Variants in MYO10 observed in about 807,000 individuals in gnomAD.
The protein encoded by MYO10 is myosin X.
MYO10 carries 133 observed loss-of-function variants against 257.3 expected under a neutral mutation model. The observed-to-expected ratio is 0.52, with a 90% CI of 0.45 to 0.60. The LOEUF (loss-of-function observed/expected upper bound fraction) is 0.60, where lower values mean the gene tolerates loss of function less well. Ranked by LOEUF, MYO10 falls within the 20% of genes least tolerant of loss-of-function variation. The pLI is 0.00. For missense variants in MYO10, 2,399 were observed against 2,635.7 expected (o/e 0.91, Z 1.97); for synonymous variants, 1,104 against 1,028.6 (o/e 1.07, Z -1.40).
At chr5:16,822,878 G>T (rs551642269) in intron 2 of MYO10, among the ~76,000 whole-genome samples, 1 of 151,506 alleles carries the variant, frequency 6.6e-6, no homozygotes, top group African/African-American at 2.4e-5. Flanking sequence ...TAGTAGAGAC[G>T]GGGTTTCACT....
At chr5:16,736,599 A>T (rs1159802850) in intron 19 of MYO10, among the ~76,000 whole-genome samples, 2 of 152,206 alleles carry the variant, frequency 1.3e-5, no homozygotes, top group East Asian at 1.9e-4. Flanking sequence ...GGTACCTCTG[A>T]TTAAAAGCCT....
At chr5:16,671,659 GA>G in intron 37 of MYO10, 117 bp from the exon 38 acceptor site, 1 of 1,243,500 alleles carries the variant, frequency 8.0e-7, no homozygotes, top group Non-Finnish European at 1.1e-6. Context: ...TCCGGGCCCA[GA>G]AAACAGTGGA....
Position 16,807,930 on chromosome 5 carries a change from G to A in MYO10, c.279+10079C>T, listed in dbSNP as rs114435097. The stretch of plus-strand genomic sequence containing the variant: ...TGTCTGTCTTCACTAATCAATTAGG[G>A]ACCTTTCATTTACTCAGTCTTTCAA... On this transcript the variant is annotated intron_variant, in intron 3 of 40. Coordinates refer to ENST00000513610, the MANE Select transcript of MYO10 (RefSeq NM_012334.3). Among the ~76,000 whole-genome samples, 845 of 152,198 alleles carry A rather than the reference G, an allele frequency of 5.6e-3. 8 individuals carry two copies. Among genetic ancestry groups the A allele is most frequent in the African/African-American group, 0.019 (793 of 41,518 alleles).
chr5:16,766,584 C>G (rs1251724479), intron 10 of MYO10, among the ~76,000 whole-genome samples: 1 of 151,970 alleles, frequency 6.6e-6, no homozygotes, highest in Non-Finnish European at 1.5e-5. Flanking sequence ...CACCCGCTAC[C>G]ACGCCTGGCT....
At position 16,708,628 on chromosome 5, in the gene MYO10, C is replaced by T. The variant is rs138604430; in HGVS notation, c.2169+2280G>A. On this transcript the variant is annotated intron_variant, in intron 21 of 40. Coordinates refer to ENST00000513610, the MANE Select transcript of MYO10 (RefSeq NM_012334.3). The stretch of plus-strand genomic sequence containing the variant: ...CCAGGTTGGAGTGCAGTGGCATGAT[C>T]AGGGCTCACTGCAGTCTTGACCTCC... Among the ~76,000 whole-genome samples the T allele has an allele frequency of 8.1e-3, 1,230 of 152,262 alleles. 22 individuals are homozygous for T. The highest frequency in any genetic ancestry group is 0.027 in the African/African-American group (1,140 of 41,552).
At chr5:16,723,804 CG>C (rs1287097157) in intron 19 of MYO10, among the ~76,000 whole-genome samples, 1 of 152,132 alleles carries the variant, frequency 6.6e-6, no homozygotes, top group Admixed American at 6.5e-5. Flanking sequence ...CAAAAAGATG[CG>C]GAGGAACCTC....
chr5:16,789,145 T>G (rs2126676350), intron 4 of MYO10, among the ~76,000 whole-genome samples: 1 of 152,364 alleles, frequency 6.6e-6, no homozygotes, highest in African/African-American at 2.4e-5. Context: ...ACCTGCTGCC[T>G]GTTTTTATAA....
intron 19 of MYO10, among the ~76,000 whole-genome samples, chr5:16,725,018 C>G (rs1481506329): frequency 6.6e-6 from 1 of 151,302 alleles, no homozygotes; most frequent in Non-Finnish European, 1.5e-5. Flanking sequence ...CTTCTCTTAC[C>G]TAACAGAATC....
intron 19 of MYO10, among the ~76,000 whole-genome samples, chr5:16,749,791 C>A (rs894584544): frequency 6.6e-6 from 1 of 152,248 alleles, no homozygotes; most frequent in Admixed American, 6.5e-5. Flanking sequence ...CAGGCAACTG[C>A]GGGCAACTGG....
intron 19 of MYO10, among the ~76,000 whole-genome samples, chr5:16,728,684 C>G (rs1739464992): frequency 6.6e-6 from 1 of 152,118 alleles, no homozygotes; most frequent in African/African-American, 2.4e-5. Flanking sequence ...CATTATATAC[C>G]TGGAGACCCT....
At chr5:16,744,512 A>G (rs1392679236) in intron 19 of MYO10, among the ~76,000 whole-genome samples, 2 of 152,184 alleles carry the variant, frequency 1.3e-5, no homozygotes, top group Admixed American at 1.3e-4. Context: ...ATGGTGTATC[A>G]TAATGTGCTA....
chr5:16,909,934 CG>C (rs1361701370), intron 1 of MYO10, among the ~76,000 whole-genome samples: 7 of 152,076 alleles, frequency 4.6e-5, no homozygotes, highest in African/African-American at 1.7e-4. Flanking sequence ...GATCTGCATA[CG>C]GAGACTCCTC....
At chr5:16,826,204 G>A (rs1037666232) in intron 2 of MYO10, among the ~76,000 whole-genome samples, 1 of 151,646 alleles carries the variant, frequency 6.6e-6, no homozygotes, top group African/African-American at 2.4e-5. Flanking sequence ...AGTGGAATAA[G>A]AGGCAAACAT....
At chr5:16,782,648 C>T (rs1741456517) in intron 5 of MYO10, among the ~76,000 whole-genome samples, 3 of 152,138 alleles carry the variant, frequency 2.0e-5, no homozygotes, top group Admixed American at 2.0e-4. Flanking sequence ...AAGATATGGG[C>T]ACGAGGCTGT....
intron 2 of MYO10, among the ~76,000 whole-genome samples, chr5:16,830,378 A>C (rs1292368789): frequency 6.6e-6 from 1 of 152,178 alleles, no homozygotes; most frequent in Non-Finnish European, 1.5e-5. Flanking sequence ...CTTTCTGTAT[A>C]ATTTTTAAGG....
At chr5:16,749,344 G>A (rs528485221) in intron 19 of MYO10, among the ~76,000 whole-genome samples, 24 of 152,104 alleles carry the variant, frequency 1.6e-4, no homozygotes, top group Non-Finnish European at 3.4e-4. Flanking sequence ...AAAATCAGCT[G>A]GGCGTGGTTG....
chr5:16,817,881 C>A (rs1742670740), intron 3 of MYO10, 128 bp downstream of exon 3: 3 of 874,134 alleles, frequency 3.4e-6, no homozygotes, highest in South Asian at 3.2e-5. Flanking sequence ...TGTGGCAAAT[C>A]CCTTGAAAAC....
chr5:16,836,627 C>T (rs867678162), intron 2 of MYO10, among the ~76,000 whole-genome samples: 8 of 152,202 alleles, frequency 5.3e-5, no homozygotes, highest in African/African-American at 1.7e-4. Flanking sequence ...AGAGCAGTCA[C>T]GTCCTTCAGA....
intron 2 of MYO10, among the ~76,000 whole-genome samples, chr5:16,866,885 C>T (rs1343033063): frequency 1.1e-4 from 16 of 152,126 alleles, no homozygotes; most frequent in Non-Finnish European, 1.0e-4. Flanking sequence ...GGTCTCCACC[C>T]ACAGCCGCTC....
Sources: gnomAD v4.1 joint callset for allele counts (sites outside exome capture counted in the v4.1 genomes callset) on GRCh38, gnomAD v4.1.1 for gene constraint, MANE v1.5 for transcripts, NCBI Gene and HGNC (gene_info 2026-07-23, HGNC 2026-07-21) for gene names.